Variants in DOT1L observed in about 807,000 individuals in gnomAD.
DOT1L encodes histone-lysine N-methyltransferase, H3 lysine-79 specific.
In DOT1L, 33 loss-of-function variants were observed where a neutral mutation model predicts 153.3. The observed-to-expected ratio is 0.22, with a 90% CI of 0.16 to 0.29. DOT1L has a LOEUF of 0.29. Ranked by LOEUF, DOT1L falls within the 10% of genes least tolerant of loss-of-function variation. The probability of loss-of-function intolerance (pLI) is 1.00; values close to 1 mark genes in which losing one functional copy is unlikely to be tolerated. For missense variants in DOT1L, 1,847 were observed against 2,119.9 expected, an observed-to-expected ratio of 0.87 and a Z score of 2.53; for synonymous variants, 1,135 against 965.1, an observed-to-expected ratio of 1.18 and a Z score of -3.26.
At chr19:2,227,265 G>T (rs1364750609) in intron 27 of DOT1L, 138 bp downstream of exon 27, 5 of 1,135,108 alleles carry the variant, frequency 4.4e-6, no homozygotes, top group Non-Finnish European at 6.6e-6. Context: ...CCCGCCATCC[G>T]TGCACGGTGG....
At chr19:2,182,322 A>G (rs1346939527) in intron 2 of DOT1L, among the ~76,000 whole-genome samples, 1 of 152,048 alleles carries the variant, frequency 6.6e-6, no homozygotes, top group Admixed American at 6.6e-5. Context: ...AGGGTTGATC[A>G]CTTGAATCCA....
In DOT1L at chr19:2,204,303, A is replaced by C. The variant is rs1419323154; in HGVS notation, c.787+1524A>C. 6.7e-6 allele frequency among the ~76,000 whole-genome samples: 1 copy of C among 149,986 alleles called. No homozygotes were observed. Among genetic ancestry groups the C allele is most frequent in the African/African-American group, 2.5e-5 (1 of 40,568 alleles). ...TCTGCTTGTTTGTCTGTGTGTGTGC[A>C]TGCATGCCTGTGTCTCTCTGCGTCT... On this transcript the variant is annotated intron_variant, in intron 9 of 27. Coordinates refer to ENST00000398665, the MANE Select transcript of DOT1L (RefSeq NM_032482.3). This position sits in a 1 kb window ranked among gnomAD's most constrained non-coding sequence, Gnocchi z 5.7.
At chr19:2,192,816 C>T (rs972094529) in intron 5 of DOT1L, among the ~76,000 whole-genome samples, 1 of 152,182 alleles carries the variant, frequency 6.6e-6, no homozygotes, top group African/African-American at 2.4e-5. Context: ...CACACCACTG[C>T]AGTCCAGCCT....
chr19:2,225,555 C>T (rs1346326025), intron 26 of DOT1L, 103 bp downstream of exon 26: 3 of 1,274,926 alleles, frequency 2.4e-6, no homozygotes, highest in Non-Finnish European at 3.4e-6. Flanking sequence ...TCGTGTCCCG[C>T]ATGGTGCTGG....
intron 27 of DOT1L, chr19:2,229,447 C>T (rs770997669): frequency 1.1e-5 from 11 of 985,318 alleles, no homozygotes; most frequent in Admixed American, 6.1e-5. Context: ...GTCAGCCTGG[C>T]GGGTCAATGC....
At chr19:2,229,309 G>C (rs1167645987) in intron 27 of DOT1L, 16 of 985,352 alleles carry the variant, frequency 1.6e-5, no homozygotes, top group Non-Finnish European at 1.9e-5. Context: ...GGTGCCCTCT[G>C]CTTGCCCCTG....
chr19:2,195,955 G>A (rs1357026035), intron 7 of DOT1L, among the ~76,000 whole-genome samples: 6 of 152,216 alleles, frequency 3.9e-5, no homozygotes, highest in African/African-American at 2.4e-5. Flanking sequence ...ACCCCTCACT[G>A]TCTCCTCAGC....
In DOT1L at chr19:2,197,175, GCTGT is replaced by G. The variant is rs1329998493; in HGVS notation, c.651+2601_651+2604del. 6.6e-6 allele frequency among the ~76,000 whole-genome samples: 1 copy of G among 152,210 alleles called. No individual in the cohort carries two copies. Among genetic ancestry groups the G allele is most frequent in the Non-Finnish European group, 1.5e-5 (1 of 68,032 alleles). ...GTGGCGCTCCCTCGGCTTCTGTTCT[GCTGT>G]CTTTGACCAGGACTTGCGCATCCAG... On this transcript the variant is annotated intron_variant, in intron 7 of 27. Transcript: ENST00000398665. This position sits in a 1 kb window ranked among gnomAD's most constrained non-coding sequence, Gnocchi z 4.1.
chr19:2,166,826 G>A (rs1434169169), intron 1 of DOT1L, among the ~76,000 whole-genome samples: 1 of 152,182 alleles, frequency 6.6e-6, no homozygotes, highest in Non-Finnish European at 1.5e-5. Flanking sequence ...GACCAGTGCT[G>A]CCGTCCAGGT....
rs975912704 is a variant in DOT1L, at chr19:2,208,570, G to T, written c.964-365G>T. ...CAGTGCTGCTGCTTCAGCTGCCCTG[G>T]CACTGACGCCCTCGGCGCAGCCTCT... On this transcript the variant is annotated intron_variant, in intron 11 of 27. Coordinates refer to ENST00000398665, the MANE Select transcript of DOT1L (RefSeq NM_032482.3). This position sits in a 1 kb window ranked among gnomAD's most constrained non-coding sequence, Gnocchi z 4.4. Among the ~76,000 whole-genome samples the T allele has an allele frequency of 6.6e-6, 1 of 152,224 alleles. No individual in the cohort carries two copies. The highest frequency in any genetic ancestry group is 1.5e-5 in the Non-Finnish European group (1 of 68,032).
chr19:2,202,424 A>T (rs2023329522), intron 8 of DOT1L, among the ~76,000 whole-genome samples: 1 of 152,142 alleles, frequency 6.6e-6, no homozygotes, highest in South Asian at 2.1e-4. Context: ...GCTGCTTGTG[A>T]ACCTTCCCAG....
At chr19:2,178,207 C>T (rs1326648324) in intron 1 of DOT1L, among the ~76,000 whole-genome samples, 2 of 148,988 alleles carry the variant, frequency 1.3e-5, no homozygotes, top group African/African-American at 5.0e-5. Flanking sequence ...GCTGGGATTA[C>T]AGGTGTGAAC....
At position 2,226,576 on chromosome 19, in the gene DOT1L, G is replaced by A. The variant is rs983096710; in HGVS notation, c.4055G>A (p.Ser1352Asn). 1.5e-5 allele frequency: 24 copies of A among 1,600,334 alleles called. No individual in the cohort carries two copies. The highest frequency in any genetic ancestry group is 2.0e-5 in the Non-Finnish European group (23 of 1,178,318). The change falls in exon 27 of 28, where the codon AGC becomes AAC. Residue 1352 changes from serine to asparagine, a missense_variant. Physicochemically the swap from Ser to Asn is conservative, Grantham distance 46 (BLOSUM62 1). Around this residue, in one of 8 missense-constraint regions of DOT1L, gnomAD observed 934 missense variants for 825.3 expected, o/e 1.13. Coordinates refer to ENST00000398665, the MANE Select transcript of DOT1L (RefSeq NM_032482.3). ...PEAAGLSSPL[S>N]FPSQRGKEGS... ...GCGGCCGGCCTGAGCTCCCCGCTGA[G>A]CTTCCCCTCGCAGCGCGGCAAGGAG...
rs2022807856 is a variant in DOT1L, at chr19:2,191,827, C to T, written c.493+587C>T. On this transcript the variant is annotated intron_variant, in intron 5 of 27. Coordinates refer to ENST00000398665, the MANE Select transcript of DOT1L (RefSeq NM_032482.3). The surrounding 1 kb of genome is among the most constrained non-coding windows in gnomAD (Gnocchi z 6.8). Reference sequence around the variant, plus strand: ...CTGGCATTCTTTCAGCCTCTGCCTGCACTCAGACTCTGCTTGTGAGGTGTC... The same window carrying T: ...CTGGCATTCTTTCAGCCTCTGCCTGTACTCAGACTCTGCTTGTGAGGTGTC... Among the ~76,000 whole-genome samples, 1 of 152,190 alleles carries T rather than the reference C, an allele frequency of 6.6e-6. No homozygotes were observed. Among genetic ancestry groups the T allele is most frequent in the South Asian group, 2.1e-4 (1 of 4,834 alleles).
chr19:2,222,623 G>C lies in DOT1L; in HGVS notation c.3390+64G>C, dbSNP rs550709071. On this transcript the variant is annotated intron_variant, in intron 24 of 27. Transcript: ENST00000398665. This position sits in a 1 kb window ranked among gnomAD's most constrained non-coding sequence, Gnocchi z 6.5. ...GTGAAAGAAAGACCAGAGGGAGACCGGGCGCGGTGGCTCACGCCTGTAATC... is the reference window on the plus strand; with the variant it reads ...GTGAAAGAAAGACCAGAGGGAGACCCGGCGCGGTGGCTCACGCCTGTAATC... The C allele has an allele frequency of 1.4e-6, 2 of 1,434,600 alleles. No homozygotes were observed. Among genetic ancestry groups the C allele is most frequent in the Middle Eastern group, 3.9e-4 (2 of 5,160 alleles). 88.9% of individuals were successfully genotyped at this position (1,434,600 alleles called of 1,614,324 possible).
chr19:2,201,694 C>T lies in DOT1L; in HGVS notation c.708-1006C>T, dbSNP rs989082908. Among the ~76,000 whole-genome samples, 17 of 152,310 alleles carry T rather than the reference C, an allele frequency of 1.1e-4. No homozygotes were observed. The South Asian group carries it at 1.9e-3, about 17-fold the overall frequency. The stretch of plus-strand genomic sequence containing the variant: ...GCAGGGGGACCCGCAGTGGTCAGGC[C>T]GTGATTACTGTCTTATAACAAACTC... On this transcript the variant is annotated intron_variant, in intron 8 of 27. Transcript: ENST00000398665.
chr19:2,205,969 C>T (rs1452987734), intron 9 of DOT1L, among the ~76,000 whole-genome samples: 1 of 151,720 alleles, frequency 6.6e-6, no homozygotes, highest in African/African-American at 2.4e-5. Flanking sequence ...GGTTTACAGG[C>T]GTGAGCCTGT....
rs530818197 is a variant in DOT1L at position 2,231,653 on chromosome 19, C to T, written c.*1861C>T. 1.3e-4 allele frequency: 28 copies of T among 214,114 alleles called. No individual in the cohort carries two copies. Among genetic ancestry groups the T allele is most frequent in the Non-Finnish European group, 2.2e-4 (23 of 106,144 alleles). 13.3% of individuals were successfully genotyped at this position (214,114 alleles called of 1,614,324 possible). On this transcript the variant is annotated 3_prime_UTR_variant, in exon 28 of 28. Transcript: ENST00000398665. Reference sequence around the variant, plus strand: ...GTGCCTCTGCCTGAGCCCCAAGCCCCGAGCCTGGCCTTCAGGACAGGCAGC... The same window carrying T: ...GTGCCTCTGCCTGAGCCCCAAGCCCTGAGCCTGGCCTTCAGGACAGGCAGC...
At chr19:2,195,328 T>A (rs1166266001) in intron 7 of DOT1L, among the ~76,000 whole-genome samples, 1 of 152,136 alleles carries the variant, frequency 6.6e-6, no homozygotes, top group Non-Finnish European at 1.5e-5. Context: ...CACAGAGGCC[T>A]GCAGAGCTGG....
Sources: allele counts gnomAD v4.1 joint callset (sites outside exome capture counted in the v4.1 genomes callset), GRCh38; gene constraint gnomAD v4.1.1; regional missense constraint gnomAD v4.1.1; non-coding constraint Gnocchi (gnomAD v3.1); transcripts MANE v1.5; gene names NCBI Gene and HGNC (gene_info 2026-07-23, HGNC 2026-07-21).